SGCD: variants seen among roughly 807,000 people sequenced by gnomAD.
SGCD encodes the protein delta-sarcoglycan.
In SGCD, 18 loss-of-function variants were observed where a neutral mutation model predicts 36.6. The ratio of observed to expected loss-of-function variants is 0.49; its 90% CI spans 0.34 to 0.73. The LOEUF (loss-of-function observed/expected upper bound fraction) is 0.73, where lower values mean the gene tolerates loss of function less well. Among genes scored for constraint, SGCD ranks in the 30% least tolerant of loss-of-function variants. SGCD has a pLI of 0.01. For synonymous variants in SGCD, 133 were observed against 130.6 expected, an observed-to-expected ratio of 1.02 and a Z score of -0.12; for missense variants, 387 against 346.7, an observed-to-expected ratio of 1.12 and a Z score of -0.92.
intron 6 of SGCD, among the ~76,000 whole-genome samples, chr5:156,634,832 G>A (rs1408595757): frequency 6.6e-6 from 1 of 152,062 alleles, no homozygotes; most frequent in African/African-American, 2.4e-5. Flanking sequence ...AAATGGAGAG[G>A]AGAGGAAAAT....
chr5:156,611,022 C>T (rs753543317), intron 6 of SGCD, among the ~76,000 whole-genome samples: 19 of 152,350 alleles, frequency 1.2e-4, no homozygotes, highest in East Asian at 3.9e-4. Context: ...TGCTTCGGCT[C>T]ATGCTCGGTG....
At chr5:156,632,360 C>T (rs995976733) in intron 6 of SGCD, among the ~76,000 whole-genome samples, 1 of 152,078 alleles carries the variant, frequency 6.6e-6, no homozygotes, top group African/African-American at 2.4e-5. Flanking sequence ...TTCTAGTATC[C>T]GAAGGAAAGC....
chr5:156,508,363 A>AG (rs1756792556), intron 3 of SGCD, among the ~76,000 whole-genome samples: 1 of 152,134 alleles, frequency 6.6e-6, no homozygotes, highest in African/African-American at 2.4e-5. Flanking sequence ...GTGGATGACT[A>AG]GGGGGCATTA....
At chr5:156,391,482 A>G (rs1311143208) in intron 3 of SGCD, among the ~76,000 whole-genome samples, 1 of 152,224 alleles carries the variant, frequency 6.6e-6, no homozygotes, top group East Asian at 1.9e-4. Context: ...AACAAAAAAG[A>G]AAAGAAAAAG....
At chr5:156,607,215 A>G (rs923322536) in intron 6 of SGCD, among the ~76,000 whole-genome samples, 1 of 152,166 alleles carries the variant, frequency 6.6e-6, no homozygotes, top group Non-Finnish European at 1.5e-5. Context: ...TTTGAGATAC[A>G]TCCCATCAAT....
At chr5:156,054,256 T>A (rs1759999335) in intron 1 of SGCD, among the ~76,000 whole-genome samples, 1 of 140,636 alleles carries the variant, frequency 7.1e-6, no homozygotes, top group African/African-American at 2.5e-5. Context: ...TGGATTCCAG[T>A]TAAACCAATT....
the SGCD span, among the ~76,000 whole-genome samples, chr5:155,765,850 A>G: frequency 1.3e-5 from 2 of 152,136 alleles, no homozygotes; most frequent in African/African-American, 4.8e-5. Context: ...CTGGGAAGAA[A>G]TTAAGCTGTG....
chr5:156,385,546 G>A (rs1771231530), intron 3 of SGCD, among the ~76,000 whole-genome samples: 1 of 152,172 alleles, frequency 6.6e-6, no homozygotes, highest in Non-Finnish European at 1.5e-5. Context: ...CAATATATTT[G>A]GACAAAGGTT....
chr5:155,754,082 C>T, the SGCD span, among the ~76,000 whole-genome samples: 1 of 152,084 alleles, frequency 6.6e-6, no homozygotes, highest in Non-Finnish European at 1.5e-5. Flanking sequence ...AGAAAATACT[C>T]ATTGAAATGG....
At chr5:156,107,326 T>A (rs886279626) in intron 1 of SGCD, among the ~76,000 whole-genome samples, 3 of 152,132 alleles carry the variant, frequency 2.0e-5, no homozygotes, top group East Asian at 3.8e-4. Flanking sequence ...GCCCTCTGTC[T>A]AGGAAAATGT....
the SGCD span, among the ~76,000 whole-genome samples, chr5:155,862,583 C>T: frequency 6.6e-6 from 1 of 152,172 alleles, no homozygotes; most frequent in Admixed American, 6.5e-5. Flanking sequence ...GTGATCCTCC[C>T]ACCTCAGCTC....
chr5:155,971,551 T>G (rs1263674344), intron 1 of SGCD, among the ~76,000 whole-genome samples: 1 of 152,172 alleles, frequency 6.6e-6, no homozygotes. Context: ...GCCTATTGTT[T>G]CATAAGATTG....
At position 155,879,079 on chromosome 5, in the gene SGCD, T is replaced by TA. The variant is rs148962402; in HGVS notation, c.-282+8666dup. 4.7e-4 allele frequency among the ~76,000 whole-genome samples: 69 copies of TA among 146,090 alleles called. No homozygotes were observed. In the East Asian group the frequency reaches 6.4e-3, roughly 13 times the overall value. On this transcript the variant is annotated intron_variant, in intron 1 of 9. Transcript: ENST00000517913. ...TGATCAGGCACCACATCTGCACACT[T>TA]AAAAAAAAAAAGTATTTGGACTGGA...
In SGCD at chr5:156,761,444, C is replaced by T. The variant is rs756150050; in HGVS notation, c.*2054C>T. The T allele has an allele frequency of 5.3e-5, 8 of 152,168 alleles. No individual in the cohort carries two copies. Among genetic ancestry groups the T allele is most frequent in the African/African-American group, 1.2e-4 (5 of 41,412 alleles). The allele number at this position is 152,168 out of a possible 1,614,324, so 9.4% of individuals were successfully genotyped here. On this transcript the variant is annotated 3_prime_UTR_variant, in exon 9 of 9. Transcript: ENST00000337851. ...GAAAACCATAAAAGACATCAGATTA[C>T]GCTGGATCAGTATAATTAATATTCC...
chr5:156,579,521 A>C (rs1002972647), intron 4 of SGCD, among the ~76,000 whole-genome samples: 2 of 151,840 alleles, frequency 1.3e-5, no homozygotes, highest in East Asian at 1.9e-4. Flanking sequence ...GTGTTAAAGT[A>C]TCCCATTATT....
chr5:156,432,495 C>T (rs969446045), intron 3 of SGCD, among the ~76,000 whole-genome samples: 5 of 152,140 alleles, frequency 3.3e-5, no homozygotes, highest in African/African-American at 9.7e-5. Context: ...TCTGGTTTCT[C>T]AGGCATTGGG....
intron 3 of SGCD, among the ~76,000 whole-genome samples, chr5:156,231,574 G>A (rs978791140): frequency 3.3e-5 from 5 of 152,002 alleles, no homozygotes; most frequent in South Asian, 2.1e-4. Context: ...AAATAAAAAG[G>A]TGAACAGAAG....
At chr5:156,447,528 C>T (rs997257794) in intron 3 of SGCD, among the ~76,000 whole-genome samples, 1 of 152,078 alleles carries the variant, frequency 6.6e-6, no homozygotes, top group African/African-American at 2.4e-5. Context: ...ATTGGGAAAC[C>T]TAGGTGTTTA....
At chr5:155,982,760 C>T (rs953390675) in intron 1 of SGCD, among the ~76,000 whole-genome samples, 1 of 152,162 alleles carries the variant, frequency 6.6e-6, no homozygotes, top group African/African-American at 2.4e-5. Context: ...TGATGAATGA[C>T]TCGGTCTGGG....
Sources: gnomAD v4.1 joint callset for allele counts (sites outside exome capture counted in the v4.1 genomes callset) on GRCh38, gnomAD v4.1.1 for gene constraint, MANE v1.5 for transcripts, NCBI Gene and HGNC (gene_info 2026-07-23, HGNC 2026-07-21) for gene names.